The following CTBP2 variants were observed in gnomAD, a reference collection of about 807,000 sequenced individuals.
CTBP2 encodes the protein C-terminal binding protein 2.
A neutral mutation model predicts 80.3 loss-of-function variants in CTBP2; 30 were observed. The ratio of observed to expected loss-of-function variants is 0.37; its 90% CI spans 0.28 to 0.51. The LOEUF is 0.51. CTBP2 is among the 20% of genes least tolerant of loss of function. The pLI, the probability that CTBP2 is intolerant of heterozygous loss-of-function variation, is 0.93. For synonymous variants in CTBP2, 594 were observed against 587.4 expected (o/e 1.01, Z -0.16); for missense variants, 1,212 against 1,375.3 (o/e 0.88, Z 1.88).
At chr10:124,990,764 T>C (rs544862911) in intron 8 of CTBP2, among the ~76,000 whole-genome samples, 2 of 151,958 alleles carry the variant, frequency 1.3e-5, no homozygotes. Flanking sequence ...GGGTCATGAA[T>C]GGGATCAGTG....
At chr10:125,016,483 A>C (rs552374835) in intron 1 of CTBP2, among the ~76,000 whole-genome samples, 1 of 152,374 alleles carries the variant, frequency 6.6e-6, no homozygotes, top group South Asian at 2.1e-4. Flanking sequence ...TGGCAGACCC[A>C]GTCTTAATTT....
At position 125,133,336 on chromosome 10, in the gene CTBP2, C is replaced by T. The variant is rs1160657851; in HGVS notation, c.-205-22243G>A. On this transcript the variant is annotated intron_variant, in intron 1 of 10. Coordinates refer to the CTBP2 transcript ENST00000337195. ...CAGGTCAAGGCAGACCCAGCCTCCT[C>T]CTCAGACCTGCTCACCTGCCTACCC... Among the ~76,000 whole-genome samples the T allele has an allele frequency of 2.0e-5, 3 of 152,212 alleles. No individual in the cohort carries two copies. The East Asian group carries it at 5.8e-4, about 29-fold the overall frequency.
intron 2 of CTBP2, among the ~76,000 whole-genome samples, chr10:125,086,184 G>A (rs999589788): frequency 1.3e-5 from 2 of 152,174 alleles, no homozygotes; most frequent in African/African-American, 4.8e-5. Context: ...GCCTTTGAGT[G>A]GTAATTAGAT....
intron 2 of CTBP2, among the ~76,000 whole-genome samples, chr10:125,067,297 A>G (rs1844797886): frequency 6.6e-6 from 1 of 152,206 alleles, no homozygotes; most frequent in African/African-American, 2.4e-5. Context: ...GTGGGGCCTA[A>G]GGAGAAAGAC....
At chr10:125,047,022 G>C (rs1961428394) in intron 2 of CTBP2, among the ~76,000 whole-genome samples, 1 of 152,186 alleles carries the variant, frequency 6.6e-6, no homozygotes, top group Non-Finnish European at 1.5e-5. Context: ...TGGAAATTAA[G>C]TGTTGGTCTT....
chr10:125,049,235 C>T (rs553344402), intron 2 of CTBP2, among the ~76,000 whole-genome samples: 18 of 152,318 alleles, frequency 1.2e-4, no homozygotes, highest in African/African-American at 4.1e-4. Context: ...CCACTAATGC[C>T]CCACTACGGG....
intron 8 of CTBP2, among the ~76,000 whole-genome samples, chr10:124,992,158 G>T (rs1952731736): frequency 6.7e-6 from 1 of 149,472 alleles, no homozygotes; most frequent in Non-Finnish European, 1.5e-5. Flanking sequence ...TTGCTCACAG[G>T]CCTTTGCACT....
At chr10:125,045,541 T>G (rs1961019662) in intron 2 of CTBP2, among the ~76,000 whole-genome samples, 1 of 151,890 alleles carries the variant, frequency 6.6e-6, no homozygotes, top group African/African-American at 2.4e-5. Flanking sequence ...TGGAGACAGA[T>G]TCTCACTTTG....
intron 1 of CTBP2, among the ~76,000 whole-genome samples, chr10:125,016,066 C>G (rs1030633873): frequency 3.3e-5 from 5 of 152,238 alleles, no homozygotes; most frequent in African/African-American, 1.2e-4. Flanking sequence ...CTGGCACCAC[C>G]CGGGGTGACG....
intron 1 of CTBP2, among the ~76,000 whole-genome samples, chr10:125,009,046 G>T (rs772645876): frequency 1.3e-5 from 2 of 152,154 alleles, no homozygotes; most frequent in African/African-American, 4.8e-5. Flanking sequence ...AGAATGTGAG[G>T]TCCCTTTCCA....
At chr10:125,158,169 A>G (rs11245523) in intron 1 of CTBP2, among the ~76,000 whole-genome samples, 34,666 of 151,138 alleles carry the variant, frequency 0.23, 4,111 homozygotes, top group South Asian at 0.33. Flanking sequence ...TTAAAAAAAA[A>G]GGGGGGGGTT....
Position 125,027,485 on chromosome 10 carries a change from TAGA to T in CTBP2, c.272_274del (p.Phe91del). ...AGACATCACTGCCTGTCTGCTGTCG[TAGA>T]AGGTGAAGTCAGGAGTAGACCCCTT... On this transcript the variant is annotated inframe_deletion, in exon 1 of 9. Coordinates refer to ENST00000309035, the MANE Select transcript of CTBP2 (RefSeq NM_022802.3). 6.2e-7 allele frequency: 1 copy of T among 1,614,122 alleles called. No homozygotes were observed. The highest frequency in any genetic ancestry group is 8.5e-7 in the Non-Finnish European group (1 of 1,180,004).
chr10:125,135,857 G>C (rs986996929), intron 1 of CTBP2, among the ~76,000 whole-genome samples: 2 of 152,172 alleles, frequency 1.3e-5, no homozygotes, highest in African/African-American at 4.8e-5. Context: ...GTGCATTTAA[G>C]AAGTCGGCCT....
At chr10:125,093,553 A>G (rs1268186207) in intron 2 of CTBP2, among the ~76,000 whole-genome samples, 1 of 152,192 alleles carries the variant, frequency 6.6e-6, no homozygotes, top group Non-Finnish European at 1.5e-5. Flanking sequence ...ACTGTTTACC[A>G]CACTTGAATT....
Position 125,026,297 on chromosome 10 carries a change from ATGGGCAC to A in CTBP2, c.1456_1462del (p.Val486TrpfsTer4). 1 of 1,613,902 alleles carries A rather than the reference ATGGGCAC, an allele frequency of 6.2e-7. No individual in the cohort carries two copies. The highest frequency in any genetic ancestry group is 8.5e-7 in the Non-Finnish European group (1 of 1,179,950). Reference sequence around the variant, plus strand: ...GTTGCGCTCCCTCTTTAGCAGCTCCATGGGCACCGTGTATGCCGTGGAGTAGGCTGTT... The same window carrying A: ...GTTGCGCTCCCTCTTTAGCAGCTCCACGTGTATGCCGTGGAGTAGGCTGTT... On this transcript the variant is annotated frameshift_variant, in exon 1 of 9. Transcript: ENST00000309035. LOFTEE classifies it high-confidence loss of function.
Position 125,027,898 on chromosome 10 carries a change from C to CAAAGCATGGCCTGAATTAT in CTBP2, c.-158_-140dup. On this transcript the variant is annotated 5_prime_UTR_variant, in exon 1 of 9. Transcript: ENST00000309035. ...ACAACCAACTGGGGGTTTTCTGTTT[C>CAAAGCATGGCCTGAATTAT]AAAGCATGGCCTGAATTATTAATCC... 2.3e-5 allele frequency: 33 copies of CAAAGCATGGCCTGAATTAT among 1,426,288 alleles called. No individual in the cohort carries two copies. The highest frequency in any genetic ancestry group is 3.0e-5 in the Non-Finnish European group (33 of 1,094,390). The allele number at this position is 1,426,288 out of a possible 1,614,324, so 88.4% of individuals were successfully genotyped here.
At chr10:125,076,620 T>G (rs1178714243) in intron 2 of CTBP2, among the ~76,000 whole-genome samples, 4 of 152,126 alleles carry the variant, frequency 2.6e-5, no homozygotes, top group Non-Finnish European at 5.9e-5. Context: ...GACTTCACTT[T>G]CCGAGTTCTC....
intron 2 of CTBP2, among the ~76,000 whole-genome samples, chr10:125,098,708 C>G (rs1152681): frequency 0.28 from 17,628 of 63,962 alleles, 347 homozygotes; most frequent in Middle Eastern, 0.32. Flanking sequence ...GAGAGAGAGA[C>G]AGAGAGAGAG....
chr10:125,093,819 C>A (rs892008114), intron 2 of CTBP2, among the ~76,000 whole-genome samples: 1 of 152,186 alleles, frequency 6.6e-6, no homozygotes, highest in Non-Finnish European at 1.5e-5. Context: ...AAAAACCCTC[C>A]CACGGCCTCG....
Sources: allele counts gnomAD v4.1 joint callset (sites outside exome capture counted in the v4.1 genomes callset), GRCh38; gene constraint gnomAD v4.1.1; transcripts MANE v1.5; gene names NCBI Gene and HGNC (gene_info 2026-07-23, HGNC 2026-07-21).